RBFOX1: variants seen among roughly 807,000 people sequenced by gnomAD.
RBFOX1 encodes RNA binding protein fox-1 homolog 1.
In RBFOX1, 8 loss-of-function variants were observed where a neutral mutation model predicts 57.7. The observed-to-expected ratio is 0.14, with a 90% CI of 0.08 to 0.25. The LOEUF is 0.25. Ranked by LOEUF, RBFOX1 falls within the 10% of genes least tolerant of loss-of-function variation. The pLI is 1.00. For synonymous variants in RBFOX1, 326 were observed against 222.4 expected (o/e 1.47, Z -4.15); for missense variants, 611 against 548.5 (o/e 1.11, Z -1.14).
At chr16:6,315,158 G>C (rs978514373) in intron 1 of RBFOX1, among the ~76,000 whole-genome samples, 1 of 152,242 alleles carries the variant, frequency 6.6e-6, no homozygotes, top group African/African-American at 2.4e-5. Context: ...GGCAGGTACT[G>C]TTTATTCCCA....
At chr16:7,096,138 C>A (rs7198610) in intron 4 of RBFOX1, among the ~76,000 whole-genome samples, 1 of 152,030 alleles carries the variant, frequency 6.6e-6, no homozygotes, top group Non-Finnish European at 1.5e-5. Context: ...CTTCATATAA[C>A]TTACATGTAG....
intron 3 of RBFOX1, among the ~76,000 whole-genome samples, chr16:5,691,241 C>G (rs1240729894): frequency 2.6e-5 from 4 of 152,104 alleles, no homozygotes; most frequent in Non-Finnish European, 5.9e-5. Context: ...AGCAAAGAAC[C>G]CAGAGCAATT....
At chr16:7,646,230 T>G (rs1175939990) in intron 11 of RBFOX1, among the ~76,000 whole-genome samples, 3 of 152,248 alleles carry the variant, frequency 2.0e-5, no homozygotes, top group Non-Finnish European at 2.9e-5. Context: ...CATTGCACGA[T>G]GCCCTGCCTC....
At chr16:6,363,743 G>T (rs11077032) in intron 2 of RBFOX1, among the ~76,000 whole-genome samples, 51,861 of 151,968 alleles carry the variant, frequency 0.34, 9,262 homozygotes, top group Middle Eastern at 0.52. Flanking sequence ...GAAATCAATC[G>T]CTCTGTTCAC....
chr16:5,903,814 A>G (rs953431122), intron 4 of RBFOX1, among the ~76,000 whole-genome samples: 7 of 152,068 alleles, frequency 4.6e-5, no homozygotes, highest in African/African-American at 1.4e-4. Flanking sequence ...ATCCCCCTGA[A>G]TTGACCAGTT....
At chr16:7,022,017 TTC>T (rs1568408375) in intron 3 of RBFOX1, among the ~76,000 whole-genome samples, 1 of 5,072 alleles carries the variant, frequency 2.0e-4, no homozygotes, top group African/African-American at 1.5e-3. Flanking sequence ...TCCCCTTCCC[TTC>T]CCCCTCCCCT....
intron 3 of RBFOX1, among the ~76,000 whole-genome samples, chr16:5,646,632 C>G (rs1023920719): frequency 6.6e-6 from 1 of 151,626 alleles, no homozygotes; most frequent in South Asian, 2.1e-4. Flanking sequence ...AAGGGAAGAC[C>G]CTCTTATTTT....
At chr16:7,042,839 T>C (rs571477591) in intron 3 of RBFOX1, among the ~76,000 whole-genome samples, 5 of 152,238 alleles carry the variant, frequency 3.3e-5, no homozygotes, top group Admixed American at 3.3e-4. Context: ...GGCAGGAGAA[T>C]CACTTGAACC....
intron 2 of RBFOX1, among the ~76,000 whole-genome samples, chr16:6,418,708 TATAGAGATGGGATC>T (rs1412058434): frequency 1.3e-5 from 2 of 152,006 alleles, no homozygotes; most frequent in East Asian, 3.9e-4. Context: ...GTAAAATTTT[TATAGAGATGGGATC>T]ACACTATATT....
intron 4 of RBFOX1, among the ~76,000 whole-genome samples, chr16:7,509,228 A>T (rs1164226183): frequency 6.6e-6 from 1 of 152,210 alleles, no homozygotes; most frequent in East Asian, 1.9e-4. Context: ...TCACCCCTGG[A>T]ATATTGCGGT....
intron 5 of RBFOX1, among the ~76,000 whole-genome samples, chr16:7,530,963 G>C (rs1393490094): frequency 6.6e-6 from 1 of 152,122 alleles, no homozygotes; most frequent in African/African-American, 2.4e-5. Flanking sequence ...GACCTGACTT[G>C]CATGCCATCT....
intron 4 of RBFOX1, among the ~76,000 whole-genome samples, chr16:7,461,167 G>T (rs12932510): frequency 6.6e-6 from 1 of 152,110 alleles, no homozygotes; most frequent in Non-Finnish European, 1.5e-5. Flanking sequence ...AAAAACAAAG[G>T]CAAAACAATT....
intron 3 of RBFOX1, among the ~76,000 whole-genome samples, chr16:7,017,694 C>G (rs933801184): frequency 6.6e-6 from 1 of 152,134 alleles, no homozygotes; most frequent in African/African-American, 2.4e-5. Context: ...TTTTCCTTTT[C>G]TAGATGTTCA....
At chr16:6,265,180 G>A (rs768284743) in intron 1 of RBFOX1, among the ~76,000 whole-genome samples, 1 of 152,084 alleles carries the variant, frequency 6.6e-6, no homozygotes, top group Non-Finnish European at 1.5e-5. Flanking sequence ...TATGCTCTTC[G>A]CACACTCACG....
intron 3 of RBFOX1, among the ~76,000 whole-genome samples, chr16:6,973,045 C>T (rs1022500540): frequency 3.3e-5 from 5 of 152,108 alleles, no homozygotes; most frequent in Non-Finnish European, 7.4e-5. Flanking sequence ...GAAGTAGAAT[C>T]AGTTGAACCT....
intron 2 of RBFOX1, among the ~76,000 whole-genome samples, chr16:5,570,487 G>C (rs1378750485): frequency 6.6e-6 from 1 of 152,110 alleles, no homozygotes; most frequent in Non-Finnish European, 1.5e-5. Flanking sequence ...AGCATTCTGG[G>C]TGCTTAACAG....
At chr16:7,454,257 A>G (rs771635525) in intron 4 of RBFOX1, among the ~76,000 whole-genome samples, 1 of 152,136 alleles carries the variant, frequency 6.6e-6, no homozygotes, top group Non-Finnish European at 1.5e-5. Flanking sequence ...AAAAAAAGTC[A>G]TAGCCAATGT....
chr16:7,054,263 G>T (rs11643071), intron 4 of RBFOX1, among the ~76,000 whole-genome samples: 4 of 74,764 alleles, frequency 5.4e-5, no homozygotes, highest in Non-Finnish European at 9.7e-5. Flanking sequence ...TTTTTTTAGA[G>T]AGAGTCTCTT....
Position 6,995,106 on chromosome 16 carries a change from A to G in RBFOX1, c.-15-56951A>G, listed in dbSNP as rs182260691. 3.9e-5 allele frequency among the ~76,000 whole-genome samples: 6 copies of G among 152,226 alleles called. 1 individual carries two copies. Among genetic ancestry groups the G allele is most frequent in the African/African-American group, 1.4e-4 (6 of 41,538 alleles). Reference sequence around the variant, plus strand: ...GGAAAATTAAAAATTCAGAACAACCATAGTCTGTTATCTGTCACCTGTAAT... The same window carrying G: ...GGAAAATTAAAAATTCAGAACAACCGTAGTCTGTTATCTGTCACCTGTAAT... On this transcript the variant is annotated intron_variant, in intron 3 of 15. Coordinates refer to ENST00000550418, the MANE Select transcript of RBFOX1 (RefSeq NM_018723.4).
Sources: gnomAD v4.1 joint callset for allele counts (sites outside exome capture counted in the v4.1 genomes callset) on GRCh38, gnomAD v4.1.1 for gene constraint, MANE v1.5 for transcripts, NCBI Gene and HGNC (gene_info 2026-07-23, HGNC 2026-07-21) for gene names.